Variants in ITGA11 observed in about 807,000 individuals in gnomAD.
The protein encoded by ITGA11 is integrin subunit alpha 11.
Under a neutral mutation model 141.9 loss-of-function variants are expected in ITGA11, and 97 were observed. The observed-to-expected ratio is 0.68, with a 90% CI of 0.58 to 0.81. ITGA11 has a LOEUF of 0.81. ITGA11 is among the 30% of genes least tolerant of loss of function. The pLI, the probability that ITGA11 is intolerant of heterozygous loss-of-function variation, is 0.00. For missense variants in ITGA11, 1,387 were observed against 1,559.2 expected (o/e 0.89, Z 1.86); for synonymous variants, 658 against 624.6 (o/e 1.05, Z -0.80).
intron 2 of ITGA11, among the ~76,000 whole-genome samples, chr15:68,393,947 C>G (rs928047038): frequency 6.6e-6 from 1 of 152,008 alleles, no homozygotes; most frequent in Non-Finnish European, 1.5e-5. Flanking sequence ...ATCAAACTGT[C>G]GTAAAGTTAT....
At position 68,323,973 on chromosome 15, in the gene ITGA11, A is replaced by C. The variant is rs117940270; in HGVS notation, c.2322+1158T>G. ...TGTGTTAATCTGCACTGTGGGCTTC[A>C]GCATGCTTGTGGGGTGAGTGCCACG... On this transcript the variant is annotated intron_variant, in intron 18 of 29. Coordinates refer to ENST00000315757, the MANE Select transcript of ITGA11 (RefSeq NM_001004439.2). 3.0e-3 allele frequency among the ~76,000 whole-genome samples: 460 copies of C among 152,322 alleles called. 24 individuals are homozygous for C. The East Asian group carries it at 0.072, about 24-fold the overall frequency.
chr15:68,365,027 G>C (rs1895374421), intron 3 of ITGA11: 3 of 602,856 alleles, frequency 5.0e-6, no homozygotes, highest in Non-Finnish European at 6.2e-6. Flanking sequence ...ACCTGCCCAA[G>C]GTCACACAGT....
Position 68,315,639 on chromosome 15 carries a change from C to A in ITGA11, c.2792+12G>T. On this transcript the variant is annotated intron_variant, in intron 22 of 29. Transcript: ENST00000315757. Reference sequence around the variant, plus strand: ...GCAAGCTTTGGGGAGAAGGAGCAGGCACGGCCCTGACCTGCCTGCAGCGAG... The same window carrying A: ...GCAAGCTTTGGGGAGAAGGAGCAGGAACGGCCCTGACCTGCCTGCAGCGAG... 1 of 1,610,340 alleles carries A rather than the reference C, an allele frequency of 6.2e-7. No individual in the cohort carries two copies. Among genetic ancestry groups the A allele is most frequent in the Non-Finnish European group, 8.5e-7 (1 of 1,177,404 alleles).
chr15:68,350,115 C>T (rs1371892416), intron 9 of ITGA11, among the ~76,000 whole-genome samples: 1 of 152,180 alleles, frequency 6.6e-6, no homozygotes, highest in Non-Finnish European at 1.5e-5. Flanking sequence ...AGCAAAGCAA[C>T]CTTTCAGCAT....
At chr15:68,347,797 A>G (rs1438323969) in intron 10 of ITGA11, among the ~76,000 whole-genome samples, 3 of 152,150 alleles carry the variant, frequency 2.0e-5, no homozygotes, top group African/African-American at 7.2e-5. Context: ...TCCACCTCAC[A>G]GAGGAGTTAG....
rs917016299 is a variant in ITGA11, at chr15:68,308,469, T to C, written c.3175-773A>G. Among the ~76,000 whole-genome samples the C allele has an allele frequency of 6.6e-6, 1 of 152,180 alleles. No homozygotes were observed. Among genetic ancestry groups the C allele is most frequent in the Non-Finnish European group, 1.5e-5 (1 of 68,044 alleles). On this transcript the variant is annotated intron_variant, in intron 26 of 29. Transcript: ENST00000315757. The surrounding 1 kb of genome is among the most constrained non-coding windows in gnomAD (Gnocchi z 5.2). ...TTAAGAAGGACTAGAGGGCTGGGCA[T>C]GGTGGCTCACGCCTGTAATCTCAGC...
chr15:68,326,604 T>C lies in ITGA11; in HGVS notation c.2211+50A>G. On this transcript the variant is annotated intron_variant, in intron 17 of 29. Coordinates refer to ENST00000315757, the MANE Select transcript of ITGA11 (RefSeq NM_001004439.2). The surrounding 1 kb of genome is among the most constrained non-coding windows in gnomAD (Gnocchi z 6.8). ...GACTCTCTGCCTCTCCCACGGCAGA[T>C]GCTCCTTCCTATAGGAGCTTGGGCT... The C allele has an allele frequency of 6.6e-7, 1 of 1,525,200 alleles. No homozygotes were observed. Among genetic ancestry groups the C allele is most frequent in the East Asian group, 2.4e-5 (1 of 41,154 alleles). The allele number at this position is 1,525,200 out of a possible 1,614,324, so 94.5% of individuals were successfully genotyped here. A position where few individuals can be genotyped will look rare whatever the true frequency, so the allele number is the denominator to read the frequency against.
intron 1 of ITGA11, among the ~76,000 whole-genome samples, chr15:68,426,461 G>A (rs750843738): frequency 4.6e-5 from 7 of 152,168 alleles, no homozygotes; most frequent in Non-Finnish European, 1.0e-4. Flanking sequence ...CCTGAGCTGG[G>A]TGGGGAGAGG....
At chr15:68,392,006 C>T (rs1420287128) in intron 2 of ITGA11, among the ~76,000 whole-genome samples, 3 of 152,186 alleles carry the variant, frequency 2.0e-5, no homozygotes, top group East Asian at 3.8e-4. Context: ...GGCTCAAATC[C>T]TTAATTCAGT....
At position 68,357,308 on chromosome 15, in the gene ITGA11, G is replaced by A. The variant is rs373527111; in HGVS notation, c.601-9C>T. On this transcript the variant is annotated splice_polypyrimidine_tract_variant and intron_variant, in intron 6 of 29. Coordinates refer to ENST00000315757, the MANE Select transcript of ITGA11 (RefSeq NM_001004439.2). ...TACTGCACAACTCCAACCTGCAAGG[G>A]AGAGGAGAGGGCAACAGAACATTTT... 3.2e-4 allele frequency: 518 copies of A among 1,608,362 alleles called. No individual in the cohort carries two copies. The highest frequency in any genetic ancestry group is 4.3e-4 in the Non-Finnish European group (512 of 1,177,844).
intron 1 of ITGA11, among the ~76,000 whole-genome samples, chr15:68,405,723 C>T (rs998815777): frequency 2.1e-5 from 3 of 144,636 alleles, no homozygotes; most frequent in African/African-American, 5.0e-5. Flanking sequence ...TGCAATGTCA[C>T]AGAGGAGAGA....
chr15:68,398,715 ATATT>A (rs200359627), intron 2 of ITGA11, among the ~76,000 whole-genome samples: 5,601 of 147,800 alleles, frequency 0.038, 166 homozygotes, highest in African/African-American at 0.084. Context: ...CATTAAATAT[ATATT>A]TATTATGATA....
intron 1 of ITGA11, among the ~76,000 whole-genome samples, chr15:68,430,106 G>A (rs549088409): frequency 2.6e-5 from 4 of 152,316 alleles, no homozygotes; most frequent in African/African-American, 7.2e-5. Context: ...TGATTGATAT[G>A]TTTAATGAAT....
chr15:68,351,097 G>C (rs994320197), intron 8 of ITGA11, among the ~76,000 whole-genome samples, 161 bp downstream of exon 8: 2 of 152,158 alleles, frequency 1.3e-5, no homozygotes, highest in African/African-American at 2.4e-5. Context: ...GAGCAGTGCA[G>C]AAAGATCCTC....
At chr15:68,351,156 C>A in intron 8 of ITGA11, 102 bp downstream of exon 8, 1 of 1,289,254 alleles carries the variant, frequency 7.8e-7, no homozygotes, top group Non-Finnish European at 1.1e-6. Flanking sequence ...AGGGCCTGGA[C>A]ACTTGTGATA....
In ITGA11 at chr15:68,432,031, C is replaced by T; in HGVS notation, c.36G>A (p.Ala12=). ...DLPRGLVVAW[A]LSLWPGFTDT... ...GGCACCTACCTGGCCACAGGCTGAG[C>T]GCCCAGGCCACCACCAGGCCCCTGG... The change falls in exon 1 of 30, where the codon GCG becomes GCA. Residue 12 remains alanine, a synonymous_variant. Transcript: ENST00000315757. The T allele has an allele frequency of 7.5e-7, 1 of 1,338,382 alleles. No individual in the cohort carries two copies. The highest frequency in any genetic ancestry group is 9.6e-7 in the Non-Finnish European group (1 of 1,042,114). The allele number at this position is 1,338,382 out of a possible 1,614,324, so 82.9% of individuals were successfully genotyped here.
At chr15:68,386,355 C>A (rs1895984833) in intron 2 of ITGA11, among the ~76,000 whole-genome samples, 1 of 152,150 alleles carries the variant, frequency 6.6e-6, no homozygotes, top group South Asian at 2.1e-4. Flanking sequence ...CTCCCTACTG[C>A]CTCGCAGTCC....
chr15:68,316,500 G>A (rs1194440455), intron 21 of ITGA11, among the ~76,000 whole-genome samples: 3 of 152,180 alleles, frequency 2.0e-5, no homozygotes, highest in African/African-American at 7.2e-5. Flanking sequence ...GCTATGTCCT[G>A]CTCCATCCCC....
intron 7 of ITGA11, among the ~76,000 whole-genome samples, chr15:68,354,944 C>T (rs1056040450): frequency 1.3e-5 from 2 of 152,212 alleles, no homozygotes; most frequent in African/African-American, 4.8e-5. Context: ...TAGTTTGGGA[C>T]TTGAATTTGG....
Sources: allele counts gnomAD v4.1 joint callset (sites outside exome capture counted in the v4.1 genomes callset), GRCh38; gene constraint gnomAD v4.1.1; non-coding constraint Gnocchi (gnomAD v3.1); transcripts MANE v1.5; gene names NCBI Gene and HGNC (gene_info 2026-07-23, HGNC 2026-07-21).